Variants in PRPSAP2 observed in about 807,000 individuals in gnomAD.
PRPSAP2 encodes phosphoribosyl pyrophosphate synthase-associated protein 2.
In PRPSAP2, 24 loss-of-function variants were observed where a neutral mutation model predicts 40.6. The observed-to-expected ratio is 0.59, with a 90% CI of 0.43 to 0.83. The LOEUF (loss-of-function observed/expected upper bound fraction) is 0.83. PRPSAP2 is among the 40% of genes least tolerant of loss of function. The pLI is 0.00. For synonymous variants in PRPSAP2, 149 were observed against 164.7 expected, an observed-to-expected ratio of 0.90 and a Z score of 0.73; for missense variants, 292 against 465.6, an observed-to-expected ratio of 0.63 and a Z score of 3.43.
In PRPSAP2 at chr17:18,865,902, T is replaced by C. The variant is rs368913854; in HGVS notation, c.69T>C (p.Phe23=). Residue 23 remains phenylalanine, a synonymous_variant, in exon 3 of 12, where the codon TTT becomes TTC. Transcript: ENST00000268835. ...TAACCAAAGGTGGTCTGGTGTTGTT[T>C]TCAGCAAACTCGAATTCATCATGTA... ...MNITKGGLVL[F]SANSNSSCME... 11 of 1,542,472 alleles carry C rather than the reference T, an allele frequency of 7.1e-6. No homozygotes were observed. The highest frequency in any genetic ancestry group is 7.9e-6 in the Non-Finnish European group (9 of 1,135,596).
In PRPSAP2 at chr17:18,880,534, G is replaced by T. The variant is rs2038655630; in HGVS notation, c.413-2034G>T. The stretch of plus-strand genomic sequence containing the variant: ...TGATCCTCCGACCTTAGCTTCCAGA[G>T]TAACTAGGGACTACAGGCATGCATC... On this transcript the variant is annotated intron_variant, in intron 6 of 11. Transcript: ENST00000268835. Among the ~76,000 whole-genome samples the T allele has an allele frequency of 2.0e-5, 3 of 152,058 alleles. No individual in the cohort carries two copies. The South Asian group carries it at 6.2e-4, about 31-fold the overall frequency.
chr17:18,871,329 T>C (rs965861220), intron 4 of PRPSAP2, among the ~76,000 whole-genome samples: 3 of 152,162 alleles, frequency 2.0e-5, no homozygotes, highest in Non-Finnish European at 4.4e-5. Flanking sequence ...CTAAAGGGTC[T>C]TTTATAGTTG....
intron 8 of PRPSAP2, chr17:18,908,320 T>C (rs1444978610): frequency 2.6e-6 from 2 of 776,558 alleles, no homozygotes; most frequent in Non-Finnish European, 4.8e-6. Flanking sequence ...CCACTGAGAA[T>C]GCAGATGAGT....
At chr17:18,908,164 C>T (rs75289401) in intron 8 of PRPSAP2, 1 of 583,246 alleles carries the variant, frequency 1.7e-6, no homozygotes, top group African/African-American at 1.9e-5. Flanking sequence ...ATCTCAACAA[C>T]AAAAAAAAGC....
At chr17:18,892,745 A>ATTTTATTT (rs2039648930) in intron 8 of PRPSAP2, among the ~76,000 whole-genome samples, 1 of 125,706 alleles carries the variant, frequency 8.0e-6, no homozygotes, top group African/African-American at 3.0e-5. Flanking sequence ...TTATTTATTT[A>ATTTTATTT]TTTTTTTGAG....
chr17:18,882,703 T>C lies in PRPSAP2; in HGVS notation c.528+20T>C, dbSNP rs1438742227. 6.9e-7 allele frequency: 1 copy of C among 1,445,120 alleles called. No homozygotes were observed. The highest frequency in any genetic ancestry group is 2.3e-5 in the East Asian group (1 of 44,028). The allele number at this position is 1,445,120 out of a possible 1,614,324, so 89.5% of individuals were successfully genotyped here. On this transcript the variant is annotated intron_variant, in intron 7 of 11. Transcript: ENST00000268835. ...GAAGAGGTGAGCTAGCTCAAACTTT[T>C]TTATTTTAACATTCTGATTAAGGTT... is the stretch of plus-strand genomic sequence containing the variant.
At chr17:18,915,896 T>G (rs1597729675) in intron 9 of PRPSAP2, among the ~76,000 whole-genome samples, 1 of 151,682 alleles carries the variant, frequency 6.6e-6, no homozygotes, top group East Asian at 1.9e-4. Flanking sequence ...TTTGGCTCAC[T>G]GCAAGCTCCA....
intron 8 of PRPSAP2, among the ~76,000 whole-genome samples, chr17:18,890,603 C>T (rs1490945585): frequency 3.9e-5 from 6 of 152,206 alleles, no homozygotes; most frequent in Non-Finnish European, 5.9e-5. Context: ...TGAGCCACTG[C>T]GCCTGACCTC....
chr17:18,873,951 C>T (rs1255642799), intron 5 of PRPSAP2, among the ~76,000 whole-genome samples: 5 of 151,662 alleles, frequency 3.3e-5, no homozygotes, highest in African/African-American at 1.2e-4. Context: ...GTTGTCCAGT[C>T]TGGAGTGCAG....
chr17:18,889,747 C>A, intron 7 of PRPSAP2, 75 bp from the exon 8 acceptor site: 1 of 1,204,104 alleles, frequency 8.3e-7, no homozygotes, highest in Admixed American at 2.3e-5. Context: ...TTTCAACTAG[C>A]CAAGCATTTT....
At chr17:18,921,947 G>A (rs1482025682) in intron 9 of PRPSAP2, among the ~76,000 whole-genome samples, 2 of 152,018 alleles carry the variant, frequency 1.3e-5, no homozygotes, top group Admixed American at 6.6e-5. Context: ...TCATTACCCC[G>A]GAAGAACACC....
At chr17:18,897,435 T>C (rs868836205) in intron 8 of PRPSAP2, among the ~76,000 whole-genome samples, 57 of 135,402 alleles carry the variant, frequency 4.2e-4, no homozygotes, top group Non-Finnish European at 8.0e-4. Flanking sequence ...CATTCTAGAG[T>C]GGTGCTTCTC....
rs1468467085 is a variant in PRPSAP2 at position 18,867,302 on chromosome 17, G to A, written c.140G>A (p.Gly47Asp). 1.2e-6 allele frequency: 2 copies of A among 1,614,090 alleles called. No homozygotes were observed. The highest frequency in any genetic ancestry group is 1.7e-6 in the Non-Finnish European group (2 of 1,180,006). Residue 47 changes from glycine to aspartate, a missense_variant, in exon 4 of 12, where the codon GGC (glycine) becomes GAC (aspartate). By Grantham distance (94) the Gly-to-Asp change is moderately conservative. Transcript: ENST00000268835. Reference protein sequence around the residue: ...KIAERLGVEMGKVQVYQEPNR... With the variant: ...KIAERLGVEMDKVQVYQEPNR... ...TCTAGGCGGCTAGGGGTGGAGATGGGCAAAGTGCAGGTTTACCAGGAACCT... is the reference window on the plus strand; with the variant it reads ...TCTAGGCGGCTAGGGGTGGAGATGGACAAAGTGCAGGTTTACCAGGAACCT...
chr17:18,877,248 C>G (rs1374829302), intron 5 of PRPSAP2, among the ~76,000 whole-genome samples: 1 of 151,568 alleles, frequency 6.6e-6, no homozygotes, highest in Non-Finnish European at 1.5e-5. Flanking sequence ...AGATGTACAG[C>G]AAAGGGGAGC....
In PRPSAP2 at chr17:18,885,429, A is replaced by T. The variant is rs111413707; in HGVS notation, c.528+2746A>T. On this transcript the variant is annotated intron_variant, in intron 7 of 11. Transcript: ENST00000268835. The stretch of plus-strand genomic sequence containing the variant: ...AAAAAAAAAAAAAAAAAAAAAAAAA[A>T]TTAATATGTGGGAACTCAGTGTTAA... 5.5e-3 allele frequency among the ~76,000 whole-genome samples: 602 copies of T among 109,232 alleles called. 48 individuals are homozygous for T. Among genetic ancestry groups the T allele is most frequent in the Admixed American group, 0.023 (216 of 9,564 alleles). The allele number at this position is 109,232 out of a possible 152,430, so 71.7% of individuals were successfully genotyped here.
intron 8 of PRPSAP2, chr17:18,908,278 C>T (rs548381137): frequency 2.1e-5 from 16 of 772,662 alleles, no homozygotes; most frequent in African/African-American, 5.1e-5. Context: ...TTTCGCAGCA[C>T]GCCAAGGACA....
chr17:18,930,445 C>G lies in PRPSAP2; in HGVS notation c.952-95C>G. ...GATCCACTGTGTTTTCCTGTCGTGGCAAGCCTCAGATTTGAGAAGCTGTCA... is the reference window on the plus strand; with the variant it reads ...GATCCACTGTGTTTTCCTGTCGTGGGAAGCCTCAGATTTGAGAAGCTGTCA... On this transcript the variant is annotated intron_variant, in intron 11 of 11. Coordinates refer to ENST00000268835, the MANE Select transcript of PRPSAP2 (RefSeq NM_002767.4). The G allele has an allele frequency of 2.4e-6, 3 of 1,235,420 alleles. 1 individual carries two copies. The South Asian group carries it at 4.5e-5, about 19-fold the overall frequency. The allele number at this position is 1,235,420 out of a possible 1,614,324, so 76.5% of individuals were successfully genotyped here.
Position 18,911,230 on chromosome 17 carries a change from C to T in PRPSAP2, c.712C>T (p.His238Tyr). Residue 238 changes from histidine (H) to tyrosine (Y), a missense_variant, in exon 9 of 12, where the codon CAC becomes TAC. By Grantham distance (83) the His-to-Tyr change is moderately conservative. Transcript: ENST00000268835. This position sits in a 1 kb window ranked among gnomAD's most constrained non-coding sequence, Gnocchi z 4.5. The stretch of plus-strand genomic sequence containing the variant: ...CATGGTCAGAAGTGTGGCTGCCATC[C>T]ACCCCAGCCTGGAGATCCCCAGTAA... ...PPMVRSVAAIHPSLEIPMLIP... is the reference protein window; with the variant it reads ...PPMVRSVAAIYPSLEIPMLIP... 2.5e-6 allele frequency: 4 copies of T among 1,611,974 alleles called. No individual in the cohort carries two copies. The highest frequency in any genetic ancestry group is 3.4e-6 in the Non-Finnish European group (4 of 1,178,678).
chr17:18,864,236 A>G (rs2151879379), intron 1 of PRPSAP2, among the ~76,000 whole-genome samples: 1 of 151,404 alleles, frequency 6.6e-6, no homozygotes, highest in East Asian at 1.9e-4. Flanking sequence ...AAGAACCCTC[A>G]CTTCTGGGGA....
Sources: gnomAD v4.1 joint callset for allele counts (sites outside exome capture counted in the v4.1 genomes callset) on GRCh38, gnomAD v4.1.1 for gene constraint, Gnocchi (gnomAD v3.1) non-coding constraint, MANE v1.5 for transcripts, NCBI Gene and HGNC (gene_info 2026-07-23, HGNC 2026-07-21) for gene names.